DNAH2: variants seen among roughly 807,000 people sequenced by gnomAD.
DNAH2 encodes the protein axonemal beta dynein heavy chain 2.
Under a neutral mutation model 523.5 loss-of-function variants are expected in DNAH2, and 323 were observed. That is an observed-to-expected ratio of 0.62 (90% CI 0.56 to 0.68). The LOEUF is 0.68. DNAH2 is among the 30% of genes least tolerant of loss of function. The pLI is 0.00. For synonymous variants in DNAH2, 2,093 were observed against 2,177.4 expected, an observed-to-expected ratio of 0.96 and a Z score of 1.08; for missense variants, 4,907 against 5,701.5, an observed-to-expected ratio of 0.86 and a Z score of 4.49.
Position 7,738,739 on chromosome 17 carries a change from TAGAACTTAGATGCTC to T in DNAH2, c.1171-993_1171-979del, listed in dbSNP as rs372903466. On this transcript the variant is annotated intron_variant, in intron 8 of 85. Coordinates refer to ENST00000572933, the MANE Select transcript of DNAH2 (RefSeq NM_020877.5). The stretch of plus-strand genomic sequence containing the variant: ...ATTCTATTATGTATGAATCTGCTCC[TAGAACTTAGATGCTC>T]TGTCTCCTGTCTGGTTCTTCTCACC... Among the ~76,000 whole-genome samples the T allele has an allele frequency of 9.5e-3, 1,447 of 152,272 alleles. 9 individuals are homozygous for T. The highest frequency in any genetic ancestry group is 0.017 in the Middle Eastern group (5 of 292).
chr17:7,785,522 G>A (rs1169930469), intron 39 of DNAH2, among the ~76,000 whole-genome samples: 1 of 152,172 alleles, frequency 6.6e-6, no homozygotes, highest in Non-Finnish European at 1.5e-5. Flanking sequence ...GGAAGGAAGT[G>A]GAATTAGTGA....
intron 46 of DNAH2, 72 bp downstream of exon 46, chr17:7,792,415 G>A: frequency 6.7e-7 from 1 of 1,484,282 alleles, no homozygotes; most frequent in Non-Finnish European, 9.4e-7. Flanking sequence ...GAGAGATGGG[G>A]CCTAGAAGCA....
chr17:7,779,510 TC>T, intron 36 of DNAH2, 87 bp downstream of exon 36: 1 of 1,371,422 alleles, frequency 7.3e-7, no homozygotes, highest in Non-Finnish European at 1.0e-6. Context: ...TCTTCCCCCT[TC>T]CATGCGAATG....
chr17:7,799,841 C>T (rs1387247037), intron 56 of DNAH2, among the ~76,000 whole-genome samples: 1 of 151,842 alleles, frequency 6.6e-6, no homozygotes, highest in African/African-American at 2.4e-5. Flanking sequence ...ACACACACAC[C>T]CAAAATGTAT....
At chr17:7,745,001 T>C (rs1433004748) in intron 12 of DNAH2, among the ~76,000 whole-genome samples, 1 of 152,062 alleles carries the variant, frequency 6.6e-6, no homozygotes, top group Non-Finnish European at 1.5e-5. Flanking sequence ...CATTTCTTTT[T>C]TTTTTTTTCT....
rs769921163 is a variant in DNAH2 at position 7,830,738 on chromosome 17, C to T, written c.12126C>T (p.Gly4042=). The T allele has an allele frequency of 1.9e-6, 3 of 1,614,186 alleles. No homozygotes were observed. The highest frequency in any genetic ancestry group is 2.5e-6 in the Non-Finnish European group (3 of 1,180,052). The change falls in exon 79 of 86, where the codon GGC becomes GGT. Residue 4042 remains glycine (G), a synonymous_variant. Coordinates refer to ENST00000572933, the MANE Select transcript of DNAH2 (RefSeq NM_020877.5). ...ACGCACTTAAGTACCTCATTGCCGGCATCAACTATGGTGGACATGTCACAG... is the reference window on the plus strand; with the variant it reads ...ACGCACTTAAGTACCTCATTGCCGGTATCAACTATGGTGGACATGTCACAG... The part of the protein sequence containing the change: ...PWDALKYLIA[G]INYGGHVTDD...
At chr17:7,722,280 C>T (rs1325674384) in intron 2 of DNAH2, among the ~76,000 whole-genome samples, 1 of 152,118 alleles carries the variant, frequency 6.6e-6, no homozygotes, top group South Asian at 2.1e-4. Flanking sequence ...GCTGGGATTA[C>T]AGGTATGAGC....
Position 7,798,579 on chromosome 17 carries a change from A to G in DNAH2, c.8420A>G (p.Gln2807Arg), listed in dbSNP as rs1825885868. 1.2e-6 allele frequency: 2 copies of G among 1,614,126 alleles called. No individual in the cohort carries two copies. Among genetic ancestry groups the G allele is most frequent in the Non-Finnish European group, 1.7e-6 (2 of 1,180,018 alleles). The change falls in exon 55 of 86, where the codon CAG (glutamine) becomes CGG (arginine). Residue 2807 changes from glutamine (Q) to arginine (R), a missense_variant. By Grantham distance (43) the Gln-to-Arg change is conservative (BLOSUM62 1). This residue lies in a region of DNAH2 where 1,851 missense variants were observed against 2,139.4 expected (regional missense o/e 0.87). Transcript: ENST00000572933. The surrounding 1 kb of genome is among the most constrained non-coding windows in gnomAD (Gnocchi z 5.5). ...FRDDIKRLYRQAGVELKTTSF... is the reference protein window; with the variant it reads ...FRDDIKRLYRRAGVELKTTSF... ...CCAGATATCAAGCGTCTGTATCGCC[A>G]GGCTGGGGTGGAGCTCAAGACCACG...
At position 7,821,494 on chromosome 17, in the gene DNAH2, C is replaced by T; in HGVS notation, c.11142+125C>T. 7.4e-7 allele frequency: 1 copy of T among 1,354,698 alleles called. No homozygotes were observed. The allele number at this position is 1,354,698 out of a possible 1,614,324, so 83.9% of individuals were successfully genotyped here. A position where few individuals can be genotyped will look rare whatever the true frequency, so the allele number is the denominator to read the frequency against. ...CATCAGTGAGTGAGCTGAGAAAATC[C>T]AGGCCAGCATCAGGTGCATGGTGAG... On this transcript the variant is annotated intron_variant, in intron 73 of 85. Transcript: ENST00000572933. This position sits in a 1 kb window ranked among gnomAD's most constrained non-coding sequence, Gnocchi z 5.0.
chr17:7,826,661 T>TC (rs2078030030), intron 77 of DNAH2, among the ~76,000 whole-genome samples: 1 of 148,112 alleles, frequency 6.8e-6, no homozygotes, highest in Non-Finnish European at 1.5e-5. Flanking sequence ...TGCCTCAGCC[T>TC]CCGAGTAGCT....
chr17:7,748,260 T>C (rs1331666714), intron 12 of DNAH2, among the ~76,000 whole-genome samples: 1 of 152,212 alleles, frequency 6.6e-6, no homozygotes, highest in African/African-American at 2.4e-5. Flanking sequence ...TCACCCTGTG[T>C]GGAGCAGAGT....
intron 31 of DNAH2, 112 bp from the exon 32 acceptor site, chr17:7,776,667 T>G: frequency 4.1e-6 from 3 of 735,088 alleles, no homozygotes; most frequent in African/African-American, 1.7e-5. Context: ...TCAGAGCAGA[T>G]TGGGTGCAGT....
chr17:7,801,196 T>C (rs1053795480), intron 56 of DNAH2, among the ~76,000 whole-genome samples: 1 of 152,066 alleles, frequency 6.6e-6, no homozygotes, highest in African/African-American at 2.4e-5. Flanking sequence ...TTAATGTTTG[T>C]GATACACGGT....
In DNAH2 at chr17:7,819,419, GC is replaced by G; in HGVS notation, c.11015+16del. 6.2e-7 allele frequency: 1 copy of G among 1,614,068 alleles called. No homozygotes were observed. The highest frequency in any genetic ancestry group is 8.5e-7 in the Non-Finnish European group (1 of 1,179,904). ...CTACGCTGTCTACAGGTCTGAGGGTGCCCCCAACATGCCCCAGCCCGGAGGC... is the reference window on the plus strand; with the variant it reads ...CTACGCTGTCTACAGGTCTGAGGGTGCCCCAACATGCCCCAGCCCGGAGGC... On this transcript the variant is annotated intron_variant, in intron 72 of 85. Transcript: ENST00000572933.
At position 7,797,280 on chromosome 17, in the gene DNAH2, G is replaced by C; in HGVS notation, c.7949+19G>C. On this transcript the variant is annotated intron_variant, in intron 51 of 85. Transcript: ENST00000572933. ...GTTTCAGGTGACATGCATGTGCCCT[G>C]GCCAAACGAAGGCTTCCTCAGCCTT... The C allele has an allele frequency of 6.2e-7, 1 of 1,613,910 alleles. No individual in the cohort carries two copies. Among genetic ancestry groups the C allele is most frequent in the Non-Finnish European group, 8.5e-7 (1 of 1,179,948 alleles).
In DNAH2 at chr17:7,807,049, C is replaced by G. The variant is rs2077385198; in HGVS notation, c.9443-101C>G. On this transcript the variant is annotated intron_variant, in intron 61 of 85. Coordinates refer to ENST00000572933, the MANE Select transcript of DNAH2 (RefSeq NM_020877.5). The surrounding 1 kb of genome is among the most constrained non-coding windows in gnomAD (Gnocchi z 5.6). The stretch of plus-strand genomic sequence containing the variant: ...GATAATTTGGCCTTAGGAACTGAGC[C>G]CAGGAAAAATGTGGCTATGCGTGAG... 2 of 1,432,830 alleles carry G rather than the reference C, an allele frequency of 1.4e-6. No individual in the cohort carries two copies. Among genetic ancestry groups the G allele is most frequent in the Non-Finnish European group, 1.9e-6 (2 of 1,061,306 alleles). The allele number at this position is 1,432,830 out of a possible 1,614,324, so 88.8% of individuals were successfully genotyped here.
chr17:7,732,995 AG>A, intron 4 of DNAH2, 91 bp from the exon 5 acceptor site: 1 of 1,267,226 alleles, frequency 7.9e-7, no homozygotes, highest in Non-Finnish European at 1.1e-6. Context: ...GGATACCCTG[AG>A]GGACGTGAGA....
intron 1 of DNAH2, 91 bp from the exon 2 acceptor site, chr17:7,719,630 A>C: frequency 1.3e-6 from 2 of 1,489,504 alleles, no homozygotes; most frequent in South Asian, 2.3e-5. Context: ...AGTTTCAGTC[A>C]ATTTATGAAT....
At chr17:7,816,887 C>T (rs944640025) in intron 64 of DNAH2, 152 bp downstream of exon 64, 1 of 981,566 alleles carries the variant, frequency 1.0e-6, no homozygotes, top group Non-Finnish European at 1.5e-6. Flanking sequence ...TTCCCCTCCC[C>T]CTGCACACCT....
Sources: allele counts gnomAD v4.1 joint callset (sites outside exome capture counted in the v4.1 genomes callset), GRCh38; gene constraint gnomAD v4.1.1; regional missense constraint gnomAD v4.1.1; non-coding constraint Gnocchi (gnomAD v3.1); transcripts MANE v1.5; gene names NCBI Gene and HGNC (gene_info 2026-07-23, HGNC 2026-07-21).